Variants in COL5A1 observed in about 807,000 individuals in gnomAD.
The protein encoded by COL5A1 is collagen type V alpha 1 chain, also known as collagen alpha-1(V) chain.
A neutral mutation model predicts 263.7 loss-of-function variants in COL5A1; 16 were observed. The ratio of observed to expected loss-of-function variants is 0.06; its 90% CI spans 0.04 to 0.09. The LOEUF is 0.09. COL5A1 is among the 10% of genes least tolerant of loss of function. The pLI, the probability that COL5A1 is intolerant of heterozygous loss-of-function variation, is 1.00. For synonymous variants in COL5A1, 1,012 were observed against 1,004.5 expected, an observed-to-expected ratio of 1.01 and a Z score of -0.14; for missense variants, 2,036 against 2,540.5, an observed-to-expected ratio of 0.80 and a Z score of 4.27.
chr9:134,835,304 G>A (rs1839813783), intron 65 of COL5A1, 100 bp downstream of exon 65: 2 of 1,047,576 alleles, frequency 1.9e-6, no homozygotes, highest in Admixed American at 4.0e-5. Flanking sequence ...GCCTGCCAGA[G>A]GGCAGTGAGG....
chr9:134,658,454 C>G (rs1016435305), intron 1 of COL5A1, among the ~76,000 whole-genome samples: 1 of 152,150 alleles, frequency 6.6e-6, no homozygotes, highest in Admixed American at 6.5e-5. Context: ...TGTGCCCCCG[C>G]CCCTGCACGT....
intron 42 of COL5A1, among the ~76,000 whole-genome samples, chr9:134,806,804 G>C (rs1838313219): frequency 6.6e-6 from 1 of 152,168 alleles, no homozygotes; most frequent in African/African-American, 2.4e-5. Context: ...TTGGGGGGCA[G>C]GTGTAGAGAG....
chr9:134,682,427 C>T lies in COL5A1; in HGVS notation c.110-8485C>T, dbSNP rs765289128. Among the ~76,000 whole-genome samples, 46 of 152,308 alleles carry T rather than the reference C, an allele frequency of 3.0e-4. No individual in the cohort carries two copies. Among genetic ancestry groups the T allele is most frequent in the East Asian group, 7.7e-4 (4 of 5,170 alleles). On this transcript the variant is annotated intron_variant, in intron 1 of 65. Coordinates refer to ENST00000371817, the MANE Select transcript of COL5A1 (RefSeq NM_000093.5). The surrounding 1 kb of genome is among the most constrained non-coding windows in gnomAD (Gnocchi z 5.1). ...GCAGAGAGATCGGGCTGGGCCAGCA[C>T]ACTTCCCCAGAGACCCTGACCCCAG...
chr9:134,671,195 C>T (rs1431712877), intron 1 of COL5A1, among the ~76,000 whole-genome samples: 6 of 152,218 alleles, frequency 3.9e-5, no homozygotes, highest in South Asian at 2.1e-4. Flanking sequence ...ACAGCTCCTG[C>T]GCATGAGACA....
intron 33 of COL5A1, 60 bp downstream of exon 33, chr9:134,795,186 C>G (rs535031893): frequency 1.2e-6 from 2 of 1,612,820 alleles, no homozygotes; most frequent in Non-Finnish European, 1.7e-6. Flanking sequence ...TTAGGGAGCA[C>G]GTGCCAGGGG....
In COL5A1 at chr9:134,822,921, G is replaced by A. The variant is rs7036997; in HGVS notation, c.4609-77G>A. ...GGAGAGGGGCGAGGGGCGAGACCAGGCTGGGCAGGACATGGAGCACGGTGG... is the reference window on the plus strand; with the variant it reads ...GGAGAGGGGCGAGGGGCGAGACCAGACTGGGCAGGACATGGAGCACGGTGG... On this transcript the variant is annotated intron_variant, in intron 59 of 65. Coordinates refer to ENST00000371817, the MANE Select transcript of COL5A1 (RefSeq NM_000093.5). 3 of 1,555,638 alleles carry A rather than the reference G, an allele frequency of 1.9e-6. No homozygotes were observed. In the East Asian group the frequency reaches 6.7e-5, roughly 35 times the overall value.
chr9:134,714,161 C>T (rs112173283), intron 4 of COL5A1, among the ~76,000 whole-genome samples: 2,180 of 152,148 alleles, frequency 0.014, 44 homozygotes, highest in African/African-American at 0.045. Flanking sequence ...AAAGAATGAA[C>T]AATCAGAGCT....
At chr9:134,662,972 G>A (rs1832254546) in intron 1 of COL5A1, among the ~76,000 whole-genome samples, 1 of 152,192 alleles carries the variant, frequency 6.6e-6, no homozygotes, top group African/African-American at 2.4e-5. Context: ...CTCCATGTTT[G>A]GAAATTTACT....
At chr9:134,669,130 C>T (rs1474579088) in intron 1 of COL5A1, among the ~76,000 whole-genome samples, 2 of 151,900 alleles carry the variant, frequency 1.3e-5, no homozygotes, top group Admixed American at 6.6e-5. Context: ...ATCACCCACC[C>T]ATCCACCCTC....
intron 1 of COL5A1, among the ~76,000 whole-genome samples, chr9:134,651,549 C>T (rs961558105): frequency 6.6e-6 from 1 of 152,180 alleles, no homozygotes; most frequent in Admixed American, 6.5e-5. Flanking sequence ...CCAGAGAGCA[C>T]GGTGGTCTCA....
chr9:134,698,096 C>T (rs1354832015), intron 2 of COL5A1, among the ~76,000 whole-genome samples: 2 of 152,116 alleles, frequency 1.3e-5, no homozygotes, highest in African/African-American at 2.4e-5. Context: ...AAAAACCCCA[C>T]AAAAAAACCC....
intron 29 of COL5A1, among the ~76,000 whole-genome samples, chr9:134,783,708 C>G (rs1319829697): frequency 6.6e-6 from 1 of 152,148 alleles, no homozygotes; most frequent in Non-Finnish European, 1.5e-5. Flanking sequence ...TTCGTCCCAA[C>G]CTGGCAGGCA....
intron 27 of COL5A1, 88 bp from the exon 28 acceptor site, chr9:134,780,014 G>A: frequency 1.4e-6 from 2 of 1,465,462 alleles, no homozygotes; most frequent in Non-Finnish European, 1.9e-6. Context: ...GCTTCAGCGA[G>A]CTCAGCCTGT....
rs775073164 is a variant in COL5A1 at position 134,818,915 on chromosome 9, C to T, written c.4392+14C>T. 32 of 1,612,974 alleles carry T rather than the reference C, an allele frequency of 2.0e-5. No homozygotes were observed. The highest frequency in any genetic ancestry group is 2.6e-5 in the Non-Finnish European group (31 of 1,179,746). ...CCCGGCCCCATGGTGAGTCACATTCCTCATGGTGAGCATAGCGGGTGGGAT... is the reference window on the plus strand; with the variant it reads ...CCCGGCCCCATGGTGAGTCACATTCTTCATGGTGAGCATAGCGGGTGGGAT... On this transcript the variant is annotated intron_variant, in intron 56 of 65. Transcript: ENST00000371817. The surrounding 1 kb of genome is among the most constrained non-coding windows in gnomAD (Gnocchi z 6.0).
intron 9 of COL5A1, among the ~76,000 whole-genome samples, chr9:134,734,543 G>T (rs566122362): frequency 6.6e-6 from 1 of 152,252 alleles, no homozygotes; most frequent in African/African-American, 2.4e-5. Flanking sequence ...CTGTGGAAGG[G>T]GGTGTCTGTT....
intron 22 of COL5A1, among the ~76,000 whole-genome samples, chr9:134,766,705 A>G (rs1480221655): frequency 6.6e-6 from 1 of 152,226 alleles, no homozygotes; most frequent in Admixed American, 6.5e-5. Context: ...TTTCTGCCCA[A>G]TAAATCATTT....
At chr9:134,822,723 C>CG (rs1554807636) in intron 59 of COL5A1, among the ~76,000 whole-genome samples, 2 of 150,476 alleles carry the variant, frequency 1.3e-5, no homozygotes, top group Non-Finnish European at 3.0e-5. Context: ...CCGCTGCGCC[C>CG]CCCCCGCGGC....
intron 20 of COL5A1, among the ~76,000 whole-genome samples, chr9:134,764,123 TG>T (rs1341097378): frequency 4.7e-4 from 2 of 4,276 alleles, no homozygotes; most frequent in Non-Finnish European, 7.6e-4. Flanking sequence ...TCCGAGGGCA[TG>T]GGGGTGGGGG....
intron 24 of COL5A1, among the ~76,000 whole-genome samples, chr9:134,768,186 C>G (rs1233744482): frequency 1.3e-5 from 2 of 152,202 alleles, no homozygotes; most frequent in African/African-American, 2.4e-5. Context: ...TGGACTGATT[C>G]CGTTCCTACA....
Sources: gnomAD v4.1 joint callset for allele counts (sites outside exome capture counted in the v4.1 genomes callset) on GRCh38, gnomAD v4.1.1 for gene constraint, Gnocchi (gnomAD v3.1) non-coding constraint, MANE v1.5 for transcripts, NCBI Gene and HGNC (gene_info 2026-07-23, HGNC 2026-07-21) for gene names.